The following PALLD variants were observed in gnomAD, a reference collection of about 807,000 sequenced individuals.
The protein encoded by PALLD is palladin.
Under a neutral mutation model 123.5 loss-of-function variants are expected in PALLD, and 61 were observed. That is an observed-to-expected ratio of 0.49 (90% CI 0.40 to 0.61). The LOEUF is 0.61. Ranked by LOEUF, PALLD falls within the 20% of genes least tolerant of loss-of-function variation. PALLD has a pLI of 0.00. For missense variants in PALLD, 1,273 were observed against 1,377.0 expected, an observed-to-expected ratio of 0.92 and a Z score of 1.20; for synonymous variants, 465 against 496.4, an observed-to-expected ratio of 0.94 and a Z score of 0.84.
At chr4:168,758,686 T>C (rs1367814837) in intron 10 of PALLD, among the ~76,000 whole-genome samples, 7 of 151,982 alleles carry the variant, frequency 4.6e-5, no homozygotes, top group Non-Finnish European at 1.0e-4. Flanking sequence ...GAAAAAAAAA[T>C]ATTATGTCTC....
At chr4:168,624,804 C>T (rs1775082101) in intron 2 of PALLD, among the ~76,000 whole-genome samples, 1 of 152,058 alleles carries the variant, frequency 6.6e-6, no homozygotes. Flanking sequence ...GAAAAGACCC[C>T]ATTTACAATA....
At position 168,771,080 on chromosome 4, in the gene PALLD, A is replaced by G. The variant is rs552858353; in HGVS notation, c.1964+59157A>G. On this transcript the variant is annotated intron_variant, in intron 10 of 21. Transcript: ENST00000505667. ...TCCATCTCAAAAAAAAAAAAACAAAAAAAAAACCTTAGTTTCTGAAACCCA... is the reference window on the plus strand; with the variant it reads ...TCCATCTCAAAAAAAAAAAAACAAAGAAAAAACCTTAGTTTCTGAAACCCA... Among the ~76,000 whole-genome samples, 358 of 126,210 alleles carry G rather than the reference A, an allele frequency of 2.8e-3. 6 individuals carry two copies. Among genetic ancestry groups the G allele is most frequent in the Non-Finnish European group, 4.8e-3 (262 of 54,824 alleles). The allele number at this position is 126,210 out of a possible 152,430, so 82.8% of individuals were successfully genotyped here.
chr4:168,577,844 C>G (rs1277878149), intron 2 of PALLD, among the ~76,000 whole-genome samples: 4 of 152,030 alleles, frequency 2.6e-5, no homozygotes, highest in South Asian at 4.2e-4. Flanking sequence ...AAGGACAAAC[C>G]CAGCATGCAG....
At chr4:168,752,921 G>GT (rs1273979395) in intron 10 of PALLD, among the ~76,000 whole-genome samples, 1 of 152,042 alleles carries the variant, frequency 6.6e-6, no homozygotes, top group African/African-American at 2.4e-5. Context: ...AGTGAAAAGA[G>GT]TAAGAGAGAA....
chr4:168,659,801 A>C (rs932690073), intron 2 of PALLD, among the ~76,000 whole-genome samples: 3 of 152,244 alleles, frequency 2.0e-5, no homozygotes, highest in Admixed American at 1.3e-4. Flanking sequence ...GAGAATTTTC[A>C]TGATACGTAG....
intron 2 of PALLD, among the ~76,000 whole-genome samples, chr4:168,658,338 G>A (rs1056924003): frequency 2.7e-4 from 37 of 136,240 alleles, no homozygotes; most frequent in Middle Eastern, 4.5e-3. Flanking sequence ...AGGCTAGAGT[G>A]CAGTGGCACA....
chr4:168,747,084 A>G (rs1020159387), intron 10 of PALLD, among the ~76,000 whole-genome samples: 1 of 152,256 alleles, frequency 6.6e-6, no homozygotes, highest in African/African-American at 2.4e-5. Context: ...GATTCTATTT[A>G]CTACACATTT....
chr4:168,523,594 A>G (rs893690200), intron 2 of PALLD, among the ~76,000 whole-genome samples: 4 of 152,156 alleles, frequency 2.6e-5, no homozygotes, highest in Admixed American at 2.6e-4. Flanking sequence ...CATGCTTTCT[A>G]GAAGGATAGT....
chr4:168,845,957 T>A (rs755464943), intron 10 of PALLD, among the ~76,000 whole-genome samples: 3 of 152,204 alleles, frequency 2.0e-5, no homozygotes, highest in Non-Finnish European at 2.9e-5. Context: ...GTATCACAGA[T>A]TTCAAATTAA....
intron 17 of PALLD, among the ~76,000 whole-genome samples, chr4:168,918,808 TAAA>T (rs1189247180): frequency 6.6e-6 from 1 of 152,144 alleles, no homozygotes; most frequent in African/African-American, 2.4e-5. Flanking sequence ...AAAAAACACT[TAAA>T]AAAATTCATA....
intron 10 of PALLD, among the ~76,000 whole-genome samples, chr4:168,888,992 T>G (rs1355151143): frequency 6.6e-6 from 1 of 152,116 alleles, no homozygotes; most frequent in African/African-American, 2.4e-5. Flanking sequence ...GACTGTTTTG[T>G]TCCCAGCACT....
At chr4:168,627,862 T>C (rs180682958) in intron 2 of PALLD, among the ~76,000 whole-genome samples, 2 of 152,276 alleles carry the variant, frequency 1.3e-5, no homozygotes, top group Non-Finnish European at 1.5e-5. Flanking sequence ...CTTAAATATA[T>C]AAAAAACTTG....
intron 10 of PALLD, among the ~76,000 whole-genome samples, chr4:168,798,240 C>CA (rs1738804524): frequency 6.6e-6 from 1 of 152,144 alleles, no homozygotes; most frequent in African/African-American, 2.4e-5. Context: ...CTTGCCATAT[C>CA]AAAGGTAAGG....
intron 15 of PALLD, among the ~76,000 whole-genome samples, chr4:168,907,072 A>G (rs1757968527): frequency 6.6e-6 from 1 of 152,052 alleles, no homozygotes; most frequent in African/African-American, 2.4e-5. Context: ...TGACCTTAGC[A>G]AGTCACTTAA....
rs573035647 is a variant in PALLD, at chr4:168,523,897, C to T, written c.908+11485C>T. On this transcript the variant is annotated intron_variant, in intron 2 of 21. Coordinates refer to ENST00000505667, the MANE Select transcript of PALLD (RefSeq NM_001166108.2). Reference sequence around the variant, plus strand: ...AAAATGATTCCTCTTTATTTTCTTACAGAGCTATTAACACTGAACCCTCAC... The same window carrying T: ...AAAATGATTCCTCTTTATTTTCTTATAGAGCTATTAACACTGAACCCTCAC... 4.9e-3 allele frequency among the ~76,000 whole-genome samples: 748 copies of T among 152,264 alleles called. 28 individuals carry two copies. In the South Asian group the frequency reaches 0.082, roughly 17 times the overall value.
In PALLD at chr4:168,785,848, T is replaced by C. The variant is rs1476190308; in HGVS notation, c.1964+73925T>C. Among the ~76,000 whole-genome samples, 7 of 98,278 alleles carry C rather than the reference T, an allele frequency of 7.1e-5. No homozygotes were observed. The South Asian group carries it at 1.2e-3, about 17-fold the overall frequency. 64.5% of individuals were successfully genotyped at this position (98,278 alleles called of 152,430 possible). A position where few individuals can be genotyped will look rare whatever the true frequency, so the allele number is the denominator to read the frequency against. ...AGTCAGTTCTAATAAACTGTAGAGA[T>C]ATATATATATATATATATATATATA... On this transcript the variant is annotated intron_variant, in intron 10 of 21. Coordinates refer to ENST00000505667, the MANE Select transcript of PALLD (RefSeq NM_001166108.2).
intron 15 of PALLD, chr4:168,904,146 T>C (rs1757130119): frequency 2.0e-6 from 1 of 500,190 alleles, no homozygotes. Context: ...GGGTCTAATA[T>C]GTACACACTT....
At chr4:168,554,455 C>T (rs1767066567) in intron 2 of PALLD, among the ~76,000 whole-genome samples, 1 of 152,174 alleles carries the variant, frequency 6.6e-6, no homozygotes, top group Non-Finnish European at 1.5e-5. Context: ...CATAAAACTA[C>T]AGCAAAAGTG....
rs376412666 is a variant in PALLD at position 168,680,379 on chromosome 4, T to C, written c.1088-953T>C. On this transcript the variant is annotated intron_variant, in intron 3 of 21. Coordinates refer to ENST00000505667, the MANE Select transcript of PALLD (RefSeq NM_001166108.2). ...GGCACATGCCTGTAATCCCAGCCAC[T>C]CAGAAGGCAGGAGAATCACTTGAAC... Among the ~76,000 whole-genome samples, 21 of 141,134 alleles carry C rather than the reference T, an allele frequency of 1.5e-4. No individual in the cohort carries two copies. The East Asian group carries it at 3.0e-3, about 20-fold the overall frequency. The allele number at this position is 141,134 out of a possible 152,430, so 92.6% of individuals were successfully genotyped here.
Sources: gnomAD v4.1 joint callset for allele counts (sites outside exome capture counted in the v4.1 genomes callset) on GRCh38, gnomAD v4.1.1 for gene constraint, MANE v1.5 for transcripts, NCBI Gene and HGNC (gene_info 2026-07-23, HGNC 2026-07-21) for gene names.